TIAM1: variants seen among roughly 807,000 people sequenced by gnomAD.
TIAM1 encodes the protein TIAM Rac1 associated GEF 1.
In TIAM1, 65 loss-of-function variants were observed where a neutral mutation model predicts 163.5. That is an observed-to-expected ratio of 0.40 (90% CI 0.33 to 0.49). TIAM1 has a LOEUF of 0.49. Among genes scored for constraint, TIAM1 ranks in the 20% least tolerant of loss-of-function variants. TIAM1 has a pLI of 0.77. For synonymous variants in TIAM1, 833 were observed against 810.1 expected (o/e 1.03, Z -0.48); for missense variants, 1,789 against 2,044.7 (o/e 0.87, Z 2.41).
intron 2 of TIAM1, among the ~76,000 whole-genome samples, chr21:31,413,269 T>C (rs528667684): frequency 1.5e-4 from 20 of 132,392 alleles, no homozygotes; most frequent in East Asian, 1.1e-3. Flanking sequence ...CTTTTCTTTT[T>C]TTTTTTTTTT....
chr21:31,497,746 A>T (rs556349480), intron 1 of TIAM1, among the ~76,000 whole-genome samples: 12 of 152,356 alleles, frequency 7.9e-5, no homozygotes, highest in Admixed American at 7.8e-4. Context: ...GGCCAGAGAC[A>T]CATAAGAAAT....
chr21:31,357,254 CTCTG>C (rs1364288071), intron 2 of TIAM1, among the ~76,000 whole-genome samples: 2 of 152,190 alleles, frequency 1.3e-5, no homozygotes, highest in African/African-American at 4.8e-5. Flanking sequence ...CACCAAAATT[CTCTG>C]TCTATTCCCT....
At chr21:31,133,531 C>T (rs1019990027) in intron 23 of TIAM1, among the ~76,000 whole-genome samples, 3 of 152,214 alleles carry the variant, frequency 2.0e-5, no homozygotes, top group South Asian at 4.1e-4. Context: ...AGTCCACTAT[C>T]GGAGCCTGTG....
intron 16 of TIAM1, chr21:31,160,902 A>G (rs533911457): frequency 1.2e-5 from 2 of 163,616 alleles, no homozygotes; most frequent in South Asian, 4.1e-4. Flanking sequence ...CCGGGATGTA[A>G]GCGTCTCTGC....
At chr21:31,465,617 C>A (rs1369218188) in intron 1 of TIAM1, among the ~76,000 whole-genome samples, 2 of 151,250 alleles carry the variant, frequency 1.3e-5, no homozygotes, top group Non-Finnish European at 2.9e-5. Flanking sequence ...GTTACCCAGG[C>A]TGGAGTGCAG....
intron 2 of TIAM1, among the ~76,000 whole-genome samples, chr21:31,414,358 C>T (rs532082154): frequency 4.6e-5 from 7 of 152,314 alleles, no homozygotes; most frequent in East Asian, 3.9e-4. Context: ...GACTCAAAAG[C>T]GAAGCTGTCC....
At chr21:31,171,876 G>A (rs1236642663) in intron 15 of TIAM1, among the ~76,000 whole-genome samples, 1 of 152,146 alleles carries the variant, frequency 6.6e-6, no homozygotes, top group African/African-American at 2.4e-5. Context: ...AGGAGAGGAG[G>A]CCCAGCTGTT....
At chr21:31,529,819 G>A (rs993510153) in intron 1 of TIAM1, among the ~76,000 whole-genome samples, 11 of 152,070 alleles carry the variant, frequency 7.2e-5, no homozygotes, top group East Asian at 3.9e-4. Context: ...CCTTCCTCTC[G>A]AGGGAAGGTC....
At chr21:31,296,292 C>CA (rs1038947915) in intron 2 of TIAM1, among the ~76,000 whole-genome samples, 13 of 149,432 alleles carry the variant, frequency 8.7e-5, no homozygotes, top group South Asian at 8.4e-4. Flanking sequence ...ATACTCATTC[C>CA]AAAAAAAAAT....
Position 31,146,207 on chromosome 21 carries a change from C to T in TIAM1, c.3475+688G>A, listed in dbSNP as rs146600428. Among the ~76,000 whole-genome samples the T allele has an allele frequency of 3.1e-3, 476 of 152,012 alleles. 2 individuals carry two copies. Among genetic ancestry groups the T allele is most frequent in the African/African-American group, 0.011 (450 of 41,478 alleles). ...TAGCACTGTAGGAGGCCGAGGTGGG[C>T]GGATCACCTGAGGTCAGGAATTCAA... On this transcript the variant is annotated intron_variant, in intron 20 of 27. Transcript: ENST00000541036.
At chr21:31,298,796 CAATG>C (rs1569183629) in intron 2 of TIAM1, among the ~76,000 whole-genome samples, 3 of 102,898 alleles carry the variant, frequency 2.9e-5, no homozygotes, top group African/African-American at 1.4e-4. Context: ...GAAAAAAAAA[CAATG>C]AGAGAGAGAG....
rs1024694486 is a variant in TIAM1, at chr21:31,375,996, C to T, written c.-368-36574G>A. On this transcript the variant is annotated intron_variant, in intron 2 of 28. Coordinates refer to the TIAM1 transcript ENST00000286827. ...GAGCTGAGATTGTGCCACTGCACTC[C>T]GGCCTAGGTGACACAGTGAGACTCC... is the stretch of plus-strand genomic sequence containing the variant. 3.8e-4 allele frequency among the ~76,000 whole-genome samples: 57 copies of T among 151,220 alleles called. 1 individual carries two copies. Among genetic ancestry groups the T allele is most frequent in the African/African-American group, 1.3e-3 (55 of 41,146 alleles).
intron 1 of TIAM1, among the ~76,000 whole-genome samples, chr21:31,471,337 T>C (rs1459612934): frequency 2.0e-5 from 3 of 152,120 alleles, no homozygotes; most frequent in Non-Finnish European, 2.9e-5. Context: ...GTTCCCCCCT[T>C]TACCACACAG....
At position 31,130,247 on chromosome 21, in the gene TIAM1, C is replaced by T. The variant is rs767412686; in HGVS notation, c.4011G>A (p.Thr1337=). Residue 1337 remains threonine, a synonymous_variant, in exon 25 of 28, where the codon ACG becomes ACA. Transcript: ENST00000541036. ...DPFRFRHMIP[T]EALQVRALAS... ...CCAAAGCTCGAACCTGCAGCGCTTC[C>T]GTGGGGATCATGTGTCGAAATCTGA... 8.7e-6 allele frequency: 14 copies of T among 1,614,078 alleles called. No individual in the cohort carries two copies. Among genetic ancestry groups the T allele is most frequent in the East Asian group, 2.2e-5 (1 of 44,880 alleles).
intron 8 of TIAM1, among the ~76,000 whole-genome samples, chr21:31,222,718 T>A (rs1238006405): frequency 1.5e-4 from 15 of 97,368 alleles, no homozygotes; most frequent in African/African-American, 4.5e-4. Flanking sequence ...TTTTTTTTTT[T>A]TTTTTTTTTT....
At chr21:31,388,024 C>A (rs67977095) in intron 2 of TIAM1, among the ~76,000 whole-genome samples, 18,969 of 152,050 alleles carry the variant, frequency 0.12, 1,368 homozygotes, top group Admixed American at 0.22. Flanking sequence ...CAGGCTTTCA[C>A]CATGTGACAT....
At chr21:31,340,095 C>T (rs938472808) in intron 1 of TIAM1, among the ~76,000 whole-genome samples, 1 of 151,936 alleles carries the variant, frequency 6.6e-6, no homozygotes, top group Admixed American at 6.6e-5. Flanking sequence ...TTGAGCAAAG[C>T]AGAACTTTAG....
At chr21:31,552,991 C>T (rs147507825) in intron 1 of TIAM1, among the ~76,000 whole-genome samples, 2,365 of 152,270 alleles carry the variant, frequency 0.016, 39 homozygotes, top group Non-Finnish European at 0.027. Flanking sequence ...ACAGCCGACC[C>T]CAGTTAGAAC....
intron 2 of TIAM1, among the ~76,000 whole-genome samples, chr21:31,417,352 T>G (rs976239566): frequency 3.2e-4 from 48 of 152,136 alleles, no homozygotes; most frequent in African/African-American, 1.1e-3. Flanking sequence ...AAAAGAGATT[T>G]AAATGGACTC....
Sources: gnomAD v4.1 joint callset for allele counts (sites outside exome capture counted in the v4.1 genomes callset) on GRCh38, gnomAD v4.1.1 for gene constraint, MANE v1.5 for transcripts, NCBI Gene and HGNC (gene_info 2026-07-23, HGNC 2026-07-21) for gene names.